The following PIK3C2A variants were observed in gnomAD, a reference collection of about 807,000 sequenced individuals.
PIK3C2A encodes the protein phosphatidylinositol-4-phosphate 3-kinase catalytic subunit type 2 alpha.
In PIK3C2A, 97 loss-of-function variants were observed where a neutral mutation model predicts 204.5. The ratio of observed to expected loss-of-function variants is 0.47; its 90% CI spans 0.40 to 0.56. The LOEUF (loss-of-function observed/expected upper bound fraction) is 0.56, where lower values mean the gene tolerates loss of function less well. Ranked by LOEUF, PIK3C2A falls within the 20% of genes least tolerant of loss-of-function variation. The probability of loss-of-function intolerance (pLI) is 0.00; values close to 1 mark genes in which losing one functional copy is unlikely to be tolerated. For synonymous variants in PIK3C2A, 653 were observed against 664.4 expected (o/e 0.98, Z 0.26); for missense variants, 1,735 against 1,969.2 (o/e 0.88, Z 2.25).
At chr11:17,201,315 T>C (rs1291433089) in intron 1 of PIK3C2A, among the ~76,000 whole-genome samples, 2 of 151,358 alleles carry the variant, frequency 1.3e-5, no homozygotes, top group African/African-American at 2.4e-5. Context: ...GATCATGAGG[T>C]CAAAAGATTG....
rs1843594836 is a variant in PIK3C2A, at chr11:17,131,938, A to G, written c.2209T>C (p.Tyr737His). Reference protein sequence around the residue: ...KKVGTYKNFFYLIKWDELIIF... With the variant: ...KKVGTYKNFFHLIKWDELIIF... ...TACAGTTCATCCCATTTAATAAGAT[A>G]GAAGAAATTCTTGTAAGTGCCAACC... The change falls in exon 12 of 33, where the codon TAT becomes CAT. Residue 737 changes from tyrosine to histidine, a missense_variant. By Grantham distance (83) the Tyr-to-His change is moderately conservative. Transcript: ENST00000691414. 6.2e-7 allele frequency: 1 copy of G among 1,601,440 alleles called. No individual in the cohort carries two copies. Among genetic ancestry groups the G allele is most frequent in the South Asian group, 1.1e-5 (1 of 88,452 alleles).
intron 15 of PIK3C2A, among the ~76,000 whole-genome samples, chr11:17,120,491 CATATATATATAA>C (rs1565255306): frequency 1.3e-5 from 2 of 151,454 alleles, no homozygotes; most frequent in African/African-American, 2.4e-5. Flanking sequence ...ACTATCCATC[CATATATATATAA>C]ATATATATAT....
chr11:17,114,094 A>T (rs1849091990), intron 20 of PIK3C2A, among the ~76,000 whole-genome samples: 1 of 151,128 alleles, frequency 6.6e-6, no homozygotes, highest in African/African-American at 2.4e-5. Context: ...TAAATAAATA[A>T]ATAAATAAAT....
At chr11:17,142,219 A>AT (rs575957057) in intron 8 of PIK3C2A, among the ~76,000 whole-genome samples, 173 of 152,322 alleles carry the variant, frequency 1.1e-3, no homozygotes, top group African/African-American at 4.0e-3. Flanking sequence ...CAAGTAATAG[A>AT]TATTTGAGTC....
In PIK3C2A at chr11:17,089,707, T is replaced by TA; in HGVS notation, c.*30_*31insT. ...TGTATGCATGCACGTTTATAACTGT[T>TA]CATGCTTCCAAAGCTCAAACATTCA... On this transcript the variant is annotated 3_prime_UTR_variant, in exon 33 of 33. Coordinates refer to ENST00000691414, the MANE Select transcript of PIK3C2A (RefSeq NM_002645.4). 2.0e-6 allele frequency: 3 copies of TA among 1,492,956 alleles called. No individual in the cohort carries two copies. The highest frequency in any genetic ancestry group is 2.8e-6 in the Non-Finnish European group (3 of 1,074,632). 92.5% of individuals were successfully genotyped at this position (1,492,956 alleles called of 1,614,324 possible).
At chr11:17,166,317 T>C (rs1388635794) in intron 2 of PIK3C2A, among the ~76,000 whole-genome samples, 2 of 152,146 alleles carry the variant, frequency 1.3e-5, no homozygotes, top group Non-Finnish European at 2.9e-5. Context: ...GGTTTGAGTA[T>C]GTACAACATA....
At position 17,091,465 on chromosome 11, in the gene PIK3C2A, AAG is replaced by A; in HGVS notation, c.4753-8_4753-7del. Reference sequence around the variant, plus strand: ...TCAGCTCCATCTTCAGTAACCTAAAAAGAAAAGCAGTCCCTTAATAGTAATGC... The same window carrying A: ...TCAGCTCCATCTTCAGTAACCTAAAAAAAAGCAGTCCCTTAATAGTAATGC... On this transcript the variant is annotated splice_polypyrimidine_tract_variant and splice_region_variant and intron_variant, in intron 31 of 32. Transcript: ENST00000691414. 1 of 1,611,326 alleles carries A rather than the reference AAG, an allele frequency of 6.2e-7. No homozygotes were observed. Among genetic ancestry groups the A allele is most frequent in the Non-Finnish European group, 8.5e-7 (1 of 1,179,232 alleles).
chr11:17,192,806 T>C (rs1356934963), intron 1 of PIK3C2A, among the ~76,000 whole-genome samples: 1 of 152,246 alleles, frequency 6.6e-6, no homozygotes, highest in Non-Finnish European at 1.5e-5. Context: ...AATACAGTAT[T>C]TGACTTTAAA....
chr11:17,127,315 T>C (rs905289584), intron 13 of PIK3C2A, among the ~76,000 whole-genome samples: 2 of 152,124 alleles, frequency 1.3e-5, no homozygotes, highest in Non-Finnish European at 2.9e-5. Context: ...TATGTGTTTT[T>C]TTTTTCTTTT....
intron 31 of PIK3C2A, 33 bp from the exon 32 acceptor site, chr11:17,091,492 C>A (rs1424397382): frequency 1.2e-6 from 2 of 1,610,202 alleles, no homozygotes; most frequent in South Asian, 2.2e-5. Flanking sequence ...AATAGTAATG[C>A]TTCCTACCAA....
chr11:17,142,533 TG>T (rs1248404183), intron 8 of PIK3C2A, among the ~76,000 whole-genome samples: 1 of 152,104 alleles, frequency 6.6e-6, no homozygotes, highest in Non-Finnish European at 1.5e-5. Flanking sequence ...AATAAAGACT[TG>T]GTGGGCACAG....
chr11:17,143,004 T>C (rs1394094166), intron 8 of PIK3C2A, among the ~76,000 whole-genome samples: 1 of 151,568 alleles, frequency 6.6e-6, no homozygotes, highest in African/African-American at 2.4e-5. Flanking sequence ...CTACAATGAT[T>C]TTCCTGGTGA....
chr11:17,116,477 A>T (rs761430584), intron 19 of PIK3C2A, among the ~76,000 whole-genome samples: 35 of 152,216 alleles, frequency 2.3e-4, no homozygotes, highest in Non-Finnish European at 5.0e-4. Flanking sequence ...ACAGACAATA[A>T]TTCTATGATT....
intron 32 of PIK3C2A, among the ~76,000 whole-genome samples, chr11:17,090,815 C>T (rs899325402): frequency 1.3e-5 from 2 of 151,958 alleles, no homozygotes; most frequent in Non-Finnish European, 2.9e-5. Flanking sequence ...TCATGACTCA[C>T]TGTGGCCTTG....
Position 17,169,050 on chromosome 11 carries a change from G to A in PIK3C2A, c.692C>T (p.Ala231Val). ...TDMAKLFDKI[A>V]STSEFLKNGK... ...ATTTTTTAAAAATTCTGATGTACTA[G>A]CTATTTTGTCAAATAGTTTTGCCAT... Residue 231 changes from alanine (A) to valine (V), a missense_variant, in exon 2 of 33, where the codon GCT becomes GTT. Physicochemically the swap from Ala to Val is moderately conservative, Grantham distance 64 (BLOSUM62 0). Around this residue, in one of 6 missense-constraint regions of PIK3C2A, gnomAD observed 536 missense variants for 546.7 expected, o/e 0.98. Coordinates refer to ENST00000691414, the MANE Select transcript of PIK3C2A (RefSeq NM_002645.4). The A allele has an allele frequency of 6.2e-7, 1 of 1,613,854 alleles. No individual in the cohort carries two copies. The highest frequency in any genetic ancestry group is 1.7e-5 in the Admixed American group (1 of 60,008).
In PIK3C2A at chr11:17,155,694, A is replaced by C. The variant is rs1207236960; in HGVS notation, c.1066-65T>G. On this transcript the variant is annotated intron_variant, in intron 2 of 32. Coordinates refer to ENST00000691414, the MANE Select transcript of PIK3C2A (RefSeq NM_002645.4). Reference sequence around the variant, plus strand: ...TCCACAAAATGCTACATAGCAGCACAGCACAAACACATTTTTATGAAAATA... The same window carrying C: ...TCCACAAAATGCTACATAGCAGCACCGCACAAACACATTTTTATGAAAATA... The C allele has an allele frequency of 1.5e-5, 12 of 806,782 alleles. No homozygotes were observed. In the East Asian group the frequency reaches 3.0e-4, roughly 20 times the overall value. 50.0% of individuals were successfully genotyped at this position (806,782 alleles called of 1,614,324 possible).
chr11:17,134,314 C>T (rs186554253), intron 11 of PIK3C2A, among the ~76,000 whole-genome samples: 29 of 152,100 alleles, frequency 1.9e-4, no homozygotes, highest in Non-Finnish European at 3.8e-4. Flanking sequence ...GAGCAATACT[C>T]CTGCCTCAGC....
intron 26 of PIK3C2A, among the ~76,000 whole-genome samples, chr11:17,098,137 AAAG>A (rs553090748): frequency 1.1e-3 from 162 of 152,366 alleles, no homozygotes; most frequent in African/African-American, 3.7e-3. Flanking sequence ...AGGAAGCTAG[AAAG>A]AAGAAGGATA....
chr11:17,100,670 C>G (rs1848599674), intron 25 of PIK3C2A, among the ~76,000 whole-genome samples: 1 of 152,140 alleles, frequency 6.6e-6, no homozygotes, highest in African/African-American at 2.4e-5. Context: ...ATCTCCCATC[C>G]ACCATCCCCC....
Sources: allele counts gnomAD v4.1 joint callset (sites outside exome capture counted in the v4.1 genomes callset), GRCh38; gene constraint gnomAD v4.1.1; regional missense constraint gnomAD v4.1.1; transcripts MANE v1.5; gene names NCBI Gene and HGNC (gene_info 2026-07-23, HGNC 2026-07-21).